SLC35F4: variants seen among roughly 807,000 people sequenced by gnomAD.
SLC35F4 encodes chromosome 14 open reading frame 36.
In SLC35F4, 24 loss-of-function variants were observed where a neutral mutation model predicts 44.2. The observed-to-expected ratio is 0.54, with a 90% CI of 0.39 to 0.76. The LOEUF is 0.76. Among genes scored for constraint, SLC35F4 ranks in the 30% least tolerant of loss-of-function variants. The probability of loss-of-function intolerance (pLI) is 0.00; values close to 1 mark genes in which losing one functional copy is unlikely to be tolerated. For synonymous variants in SLC35F4, 238 were observed against 223.6 expected (o/e 1.06, Z -0.57); for missense variants, 562 against 586.1 (o/e 0.96, Z 0.42).
chr14:57,818,551 A>C (rs764865055), intron 1 of SLC35F4, among the ~76,000 whole-genome samples: 12 of 152,182 alleles, frequency 7.9e-5, no homozygotes, highest in Non-Finnish European at 1.6e-4. Flanking sequence ...GTGTCTGTAC[A>C]TCAGGGAATT....
chr14:57,719,271 A>G (rs1458570995), intron 1 of SLC35F4, among the ~76,000 whole-genome samples: 1 of 152,116 alleles, frequency 6.6e-6, no homozygotes, highest in African/African-American at 2.4e-5. Flanking sequence ...AGGTAATGGG[A>G]TTCCTCCAGT....
At chr14:57,909,779 ATC>A (rs148244481) in intron 1 of SLC35F4, among the ~76,000 whole-genome samples, 2,200 of 152,258 alleles carry the variant, frequency 0.014, 61 homozygotes, top group African/African-American at 0.047. Context: ...TGCTATGAAC[ATC>A]TGTGTGCAGA....
intron 1 of SLC35F4, among the ~76,000 whole-genome samples, chr14:57,730,130 TCTC>T (rs1566802545): frequency 6.6e-6 from 1 of 152,204 alleles, no homozygotes; most frequent in Non-Finnish European, 1.5e-5. Context: ...TCTCTTTTGC[TCTC>T]CTCAATGCCT....
In SLC35F4 at chr14:57,569,881, G is replaced by C. The variant is rs1336130669; in HGVS notation, c.1033C>G (p.Pro345Ala). The C allele has an allele frequency of 1.2e-6, 2 of 1,612,378 alleles. No homozygotes were observed. The highest frequency in any genetic ancestry group is 1.7e-6 in the Non-Finnish European group (2 of 1,179,302). Residue 345 changes from proline to alanine, a missense_variant, in exon 6 of 8, where the codon CCA (proline) becomes GCA (alanine). Coordinates refer to ENST00000556826, the MANE Select transcript of SLC35F4 (RefSeq NM_001306087.2). ...ACCTTGGTGAAATACAAGATGACTG[G>C]GGTGAAGGAGATGAAGATCAAATTG... ...FFNLIFISFT[P>A]VILYFTKVEH...
chr14:57,744,840 A>G (rs376920982), intron 1 of SLC35F4, among the ~76,000 whole-genome samples: 1 of 152,224 alleles, frequency 6.6e-6, no homozygotes. Context: ...ACTTCAAACT[A>G]TACTACAAGG....
intron 1 of SLC35F4, among the ~76,000 whole-genome samples, chr14:57,956,854 T>C (rs1890247268): frequency 6.6e-6 from 1 of 152,190 alleles, no homozygotes; most frequent in Admixed American, 6.5e-5. Context: ...GAATGTAAAT[T>C]AGTTCAACCA....
intron 1 of SLC35F4, among the ~76,000 whole-genome samples, chr14:57,917,030 TTTG>T (rs1566928912): frequency 6.6e-6 from 1 of 152,038 alleles, no homozygotes; most frequent in Non-Finnish European, 1.5e-5. Flanking sequence ...TGTTTGTTTG[TTTG>T]TTTTGGGGGG....
intron 4 of SLC35F4, among the ~76,000 whole-genome samples, chr14:57,577,069 G>T (rs1200215843): frequency 1.3e-5 from 2 of 152,160 alleles, no homozygotes; most frequent in African/African-American, 4.8e-5. Flanking sequence ...GAAGCTCTGG[G>T]CAGAGAATTC....
Position 57,743,895 on chromosome 14 carries a change from T to A in SLC35F4, c.103+121828A>T, listed in dbSNP as rs182829450. On this transcript the variant is annotated intron_variant, in intron 1 of 7. Transcript: ENST00000556826. ...ATCCACCATGATCAAGTGGGCTTCA[T>A]CCCTGGGATGCAAGCCTCGTTCAAC... Among the ~76,000 whole-genome samples the A allele has an allele frequency of 1.5e-3, 228 of 152,266 alleles. 1 individual carries two copies. The highest frequency in any genetic ancestry group is 6.8e-3 in the Middle Eastern group (2 of 294).
At chr14:57,677,785 C>T (rs2074747266) in intron 1 of SLC35F4, among the ~76,000 whole-genome samples, 1 of 148,210 alleles carries the variant, frequency 6.7e-6, no homozygotes, top group South Asian at 2.3e-4. Context: ...AGTTCAACTA[C>T]TAAGAGTTCT....
At chr14:57,841,582 A>C (rs2140961846) in intron 1 of SLC35F4, among the ~76,000 whole-genome samples, 1 of 152,298 alleles carries the variant, frequency 6.6e-6, no homozygotes, top group African/African-American at 2.4e-5. Context: ...CAGGGTACTG[A>C]ATCTGGTATC....
chr14:57,670,601 T>C (rs892436122), intron 1 of SLC35F4, among the ~76,000 whole-genome samples: 2 of 152,062 alleles, frequency 1.3e-5, no homozygotes, highest in African/African-American at 2.4e-5. Context: ...CCAGTAGTCA[T>C]TCAGGAGCAG....
At chr14:57,638,259 C>A (rs1395094930) in intron 1 of SLC35F4, among the ~76,000 whole-genome samples, 1 of 152,046 alleles carries the variant, frequency 6.6e-6, no homozygotes, top group Non-Finnish European at 1.5e-5. Context: ...GATAAGAGAC[C>A]ACTGACCACA....
intron 1 of SLC35F4, among the ~76,000 whole-genome samples, chr14:57,776,913 G>C (rs995907085): frequency 2.0e-5 from 3 of 152,076 alleles, no homozygotes; most frequent in South Asian, 2.1e-4. Context: ...CGAGGGTCTC[G>C]TAAGAGCTGC....
intron 1 of SLC35F4, among the ~76,000 whole-genome samples, chr14:57,839,065 T>A (rs1314105324): frequency 6.6e-6 from 1 of 152,162 alleles, no homozygotes; most frequent in East Asian, 1.9e-4. Context: ...AGTCATTTAA[T>A]GTCAGTCTAG....
intron 1 of SLC35F4, among the ~76,000 whole-genome samples, chr14:57,649,174 C>T (rs2140192096): frequency 6.6e-6 from 1 of 152,298 alleles, no homozygotes; most frequent in Non-Finnish European, 1.5e-5. Flanking sequence ...TATAATTACT[C>T]CCTTTATTTG....
intron 1 of SLC35F4, among the ~76,000 whole-genome samples, chr14:57,880,028 A>AGGAG (rs1566919913): frequency 4.8e-5 from 6 of 124,370 alleles, no homozygotes; most frequent in African/African-American, 1.1e-4. Context: ...AGGAAAGGAA[A>AGGAG]GGAGGGAGGA....
chr14:57,822,068 G>A (rs1160473108), intron 1 of SLC35F4, among the ~76,000 whole-genome samples: 1 of 152,206 alleles, frequency 6.6e-6, no homozygotes, highest in African/African-American at 2.4e-5. Flanking sequence ...AATACAAGGA[G>A]GCAAGCAAAA....
At chr14:57,830,806 A>C (rs565720032) in intron 1 of SLC35F4, among the ~76,000 whole-genome samples, 2 of 152,144 alleles carry the variant, frequency 1.3e-5, no homozygotes, top group Admixed American at 1.3e-4. Context: ...AGAATCACAC[A>C]CTCTTTTTAC....
Sources: gnomAD v4.1 joint callset for allele counts (sites outside exome capture counted in the v4.1 genomes callset) on GRCh38, gnomAD v4.1.1 for gene constraint, MANE v1.5 for transcripts, NCBI Gene and HGNC (gene_info 2026-07-23, HGNC 2026-07-21) for gene names.